Variants in EYS observed in about 807,000 individuals in gnomAD.
The protein encoded by EYS is EGF-like photoreceptor maintenance factor.
A neutral mutation model predicts 282.1 loss-of-function variants in EYS; 250 were observed. The ratio of observed to expected loss-of-function variants is 0.89; its 90% CI spans 0.80 to 0.98. The LOEUF is 0.98. Among genes scored for constraint, EYS ranks in the 50% least tolerant of loss-of-function variants. The probability of loss-of-function intolerance (pLI) is 0.00; values close to 1 mark genes in which losing one functional copy is unlikely to be tolerated. For synonymous variants in EYS, 1,355 were observed against 1,282.9 expected, an observed-to-expected ratio of 1.06 and a Z score of -1.20; for missense variants, 4,016 against 3,709.0, an observed-to-expected ratio of 1.08 and a Z score of -2.15.
In EYS at chr6:64,066,320, G is replaced by A. The variant is rs370308434; in HGVS notation, c.6725+18C>T. 1.0e-4 allele frequency: 153 copies of A among 1,534,440 alleles called. No homozygotes were observed. The African/African-American group carries it at 1.7e-3, about 17-fold the overall frequency. ...AAAATTTCAGCACGAAAGAACTACC[G>A]TGGAGTACAGTACTTACCGTATTGT... On this transcript the variant is annotated intron_variant, in intron 33 of 42. Coordinates refer to ENST00000503581, the MANE Select transcript of EYS (RefSeq NM_001142800.2).
chr6:64,218,764 G>A (rs1287057035), intron 31 of EYS, among the ~76,000 whole-genome samples: 1 of 152,138 alleles, frequency 6.6e-6, no homozygotes, highest in Non-Finnish European at 1.5e-5. Context: ...TTGGACAGCT[G>A]GAGTAGCCGG....
At chr6:65,451,525 C>T (rs1417782066) in intron 5 of EYS, among the ~76,000 whole-genome samples, 1 of 151,850 alleles carries the variant, frequency 6.6e-6, no homozygotes, top group Non-Finnish European at 1.5e-5. Flanking sequence ...CTTAAGAGTT[C>T]TTTAGGGATA....
chr6:63,921,741 T>C (rs531887273), intron 35 of EYS, among the ~76,000 whole-genome samples: 1 of 152,326 alleles, frequency 6.6e-6, no homozygotes, highest in Non-Finnish European at 1.5e-5. Flanking sequence ...AATATCATTA[T>C]TAGGAACCCC....
intron 22 of EYS, among the ~76,000 whole-genome samples, chr6:64,719,926 T>C (rs1771519940): frequency 6.6e-6 from 1 of 152,134 alleles, no homozygotes. Flanking sequence ...GTATGTCAAC[T>C]CCAAGTCTTG....
At chr6:65,454,691 A>C (rs1764536841) in intron 5 of EYS, among the ~76,000 whole-genome samples, 1 of 151,830 alleles carries the variant, frequency 6.6e-6, no homozygotes, top group Non-Finnish European at 1.5e-5. Context: ...ATATGGTGAG[A>C]GTTTGGGGTC....
At chr6:63,906,156 T>A (rs556051026) in intron 35 of EYS, among the ~76,000 whole-genome samples, 13 of 152,316 alleles carry the variant, frequency 8.5e-5, no homozygotes, top group African/African-American at 3.1e-4. Flanking sequence ...CTACCTCAAT[T>A]CTTCAAAATT....
At chr6:64,703,557 C>G (rs1052447593) in intron 22 of EYS, among the ~76,000 whole-genome samples, 1 of 149,856 alleles carries the variant, frequency 6.7e-6, no homozygotes, top group African/African-American at 2.5e-5. Context: ...CTCAGCCTCC[C>G]GATTAGCTGG....
At chr6:63,836,775 G>T (rs1202103880) in intron 36 of EYS, among the ~76,000 whole-genome samples, 1 of 152,046 alleles carries the variant, frequency 6.6e-6, no homozygotes, top group Admixed American at 6.6e-5. Context: ...CTTGGGGAAT[G>T]AGGACATAGT....
Position 64,226,091 on chromosome 6 carries a change from C to T in EYS, c.6424+4501G>A, listed in dbSNP as rs540514534. Among the ~76,000 whole-genome samples the T allele has an allele frequency of 1.1e-4, 17 of 152,228 alleles. No homozygotes were observed. The South Asian group carries it at 3.5e-3, about 32-fold the overall frequency. ...AAGAGATAAATCTCTGTTGTAAGAA[C>T]TTTACTAATGCTCTGTTTCCCTTGC... On this transcript the variant is annotated intron_variant, in intron 31 of 42. Coordinates refer to ENST00000503581, the MANE Select transcript of EYS (RefSeq NM_001142800.2).
At chr6:64,393,734 C>T (rs1773249758) in intron 28 of EYS, among the ~76,000 whole-genome samples, 1 of 151,446 alleles carries the variant, frequency 6.6e-6, no homozygotes, top group Admixed American at 6.6e-5. Flanking sequence ...GACAGGGATG[C>T]CCTCTCTCAC....
chr6:64,162,512 A>G (rs1434030450), intron 31 of EYS, among the ~76,000 whole-genome samples: 1 of 152,028 alleles, frequency 6.6e-6, no homozygotes, highest in African/African-American at 2.4e-5. Flanking sequence ...GGAATCTGGG[A>G]TAATATCTGG....
At chr6:63,937,341 T>TTTTC (rs1765092507) in intron 35 of EYS, among the ~76,000 whole-genome samples, 2 of 80,996 alleles carry the variant, frequency 2.5e-5, no homozygotes, top group African/African-American at 1.0e-4. Flanking sequence ...GGCTTCTCTC[T>TTTTC]TTTCTTTTTT....
chr6:65,289,189 G>A (rs542206927), intron 12 of EYS, among the ~76,000 whole-genome samples: 65 of 150,800 alleles, frequency 4.3e-4, no homozygotes, highest in Non-Finnish European at 6.9e-4. Flanking sequence ...TACAAATATG[G>A]ATTAAAATAA....
rs114843611 is a variant in EYS, at chr6:65,548,031, A to T, written c.-332-52038T>A. Among the ~76,000 whole-genome samples the T allele has an allele frequency of 7.8e-3, 1,186 of 152,242 alleles. 20 individuals are homozygous for T. Among genetic ancestry groups the T allele is most frequent in the African/African-American group, 0.026 (1,064 of 41,546 alleles). On this transcript the variant is annotated intron_variant, in intron 2 of 42. Transcript: ENST00000503581. ...ACAAATTTAGATAAAACTTAATCAA[A>T]CTTTAGTCAGACTTCTCTCCTTCAC...
intron 30 of EYS, among the ~76,000 whole-genome samples, chr6:64,268,679 T>C (rs562751226): frequency 1.3e-5 from 2 of 152,258 alleles, no homozygotes; most frequent in East Asian, 3.9e-4. Flanking sequence ...GATAGAATTT[T>C]GGTGACTAGG....
In EYS at chr6:65,625,144, TG is replaced by T. The variant is rs1342269625; in HGVS notation, c.-333+14633del. On this transcript the variant is annotated intron_variant, in intron 2 of 42. Transcript: ENST00000503581. Reference sequence around the variant, plus strand: ...GAGGCTGAGAAGACCTCAAGCCAATTGTCAGAAGGAAAACAGGGACCTCAAT... The same window carrying T: ...GAGGCTGAGAAGACCTCAAGCCAATTTCAGAAGGAAAACAGGGACCTCAAT... 5.9e-5 allele frequency among the ~76,000 whole-genome samples: 9 copies of T among 152,174 alleles called. No individual in the cohort carries two copies. The East Asian group carries it at 1.7e-3, about 29-fold the overall frequency.
Position 64,439,332 on chromosome 6 carries a change from A to G in EYS, c.5665T>C (p.Tyr1889His), listed in dbSNP as rs781586291. Residue 1889 changes from tyrosine to histidine, a missense_variant, in exon 27 of 43, where the codon TAT (tyrosine) becomes CAT (histidine). Tyr to His is a moderately conservative substitution (Grantham distance 83). Transcript: ENST00000503581. Reference sequence around the variant, plus strand: ...TGAAATTCTAGATAAGAATCTCCATAATAACGAACACAACTGAAATCTGTG... The same window carrying G: ...TGAAATTCTAGATAAGAATCTCCATGATAACGAACACAACTGAAATCTGTG... ...MISDFSCVRY[Y>H]GDSYLEFQNV... 1.3e-6 allele frequency: 2 copies of G among 1,506,734 alleles called. No individual in the cohort carries two copies. Among genetic ancestry groups the G allele is most frequent in the Non-Finnish European group, 8.8e-7 (1 of 1,131,102 alleles). 93.3% of individuals were successfully genotyped at this position (1,506,734 alleles called of 1,614,324 possible). A position where few individuals can be genotyped will look rare whatever the true frequency, so the allele number is the denominator to read the frequency against.
chr6:64,599,037 A>G (rs1486448882), intron 24 of EYS, among the ~76,000 whole-genome samples: 1 of 152,222 alleles, frequency 6.6e-6, no homozygotes, highest in Non-Finnish European at 1.5e-5. Flanking sequence ...GTTAAAGAGA[A>G]TAAGGGAAGG....
rs1770305616 is a variant in EYS at position 65,344,138 on chromosome 6, T to C, written c.1499A>G (p.Tyr500Cys). The change falls in exon 10 of 43, where the codon TAT becomes TGT. Residue 500 changes from tyrosine to cysteine, a missense_variant. Physicochemically the swap from Tyr to Cys is radical, Grantham distance 194 (BLOSUM62 -2). Transcript: ENST00000503581. The stretch of plus-strand genomic sequence containing the variant: ...AGTGCAGTTTGCAGCCAGAAAGAAA[T>C]AGGCATCAATAACCCCTTGGCACTT... ...GEKCQGVIDA[Y>C]FFLAANCTED... is the part of the protein sequence containing the mutation. The C allele has an allele frequency of 6.2e-7, 1 of 1,610,238 alleles. No homozygotes were observed. The highest frequency in any genetic ancestry group is 1.3e-5 in the African/African-American group (1 of 74,622).
Sources: allele counts gnomAD v4.1 joint callset (sites outside exome capture counted in the v4.1 genomes callset), GRCh38; gene constraint gnomAD v4.1.1; transcripts MANE v1.5; gene names NCBI Gene and HGNC (gene_info 2026-07-23, HGNC 2026-07-21).